The following TNR variants were observed in gnomAD, a reference collection of about 807,000 sequenced individuals.
The protein encoded by TNR is tenascin R.
TNR carries 45 observed loss-of-function variants against 150.4 expected under a neutral mutation model. The observed-to-expected ratio is 0.30, with a 90% CI of 0.24 to 0.38. The LOEUF (loss-of-function observed/expected upper bound fraction) is 0.38, where lower values mean the gene tolerates loss of function less well. Among genes scored for constraint, TNR ranks in the 10% least tolerant of loss-of-function variants. The pLI is 1.00. For missense variants in TNR, 1,544 were observed against 1,759.1 expected (o/e 0.88, Z 2.19); for synonymous variants, 687 against 678.4 (o/e 1.01, Z -0.20).
chr1:175,501,593 C>G (rs754333036), intron 2 of TNR, among the ~76,000 whole-genome samples: 1 of 152,180 alleles, frequency 6.6e-6, no homozygotes, highest in Non-Finnish European at 1.5e-5. Context: ...TGTTTTAAGC[C>G]ATTAAGTTTG....
chr1:175,328,690 G>C (rs1649546880), intron 21 of TNR, among the ~76,000 whole-genome samples: 1 of 152,196 alleles, frequency 6.6e-6, no homozygotes, highest in Admixed American at 6.5e-5. Flanking sequence ...TGAGACATGA[G>C]AATAGCGCAC....
intron 1 of TNR, among the ~76,000 whole-genome samples, chr1:175,630,684 C>T (rs1327936598): frequency 6.6e-5 from 10 of 152,192 alleles, no homozygotes; most frequent in Non-Finnish European, 1.5e-4. Context: ...TTTCCTACCA[C>T]AGTATTTAGC....
intron 1 of TNR, among the ~76,000 whole-genome samples, chr1:175,628,590 T>A (rs979698729): frequency 4.6e-5 from 7 of 151,936 alleles, no homozygotes; most frequent in African/African-American, 1.7e-4. Flanking sequence ...TATGAGCTCA[T>A]TGGGTGGTTT....
At chr1:175,333,317 T>A (rs1022211791) in intron 20 of TNR, 2 of 152,214 alleles carry the variant, frequency 1.3e-5, no homozygotes, top group Non-Finnish European at 1.5e-5. Context: ...GTTTATGTAT[T>A]TCAGAAAATA....
intron 1 of TNR, among the ~76,000 whole-genome samples, chr1:175,683,484 C>T (rs1044309420): frequency 2.0e-5 from 3 of 152,170 alleles, no homozygotes; most frequent in Admixed American, 6.5e-5. Flanking sequence ...GCTCTGAAAA[C>T]GTCTAAACTG....
intron 1 of TNR, among the ~76,000 whole-genome samples, chr1:175,582,813 G>C (rs933924682): frequency 6.6e-6 from 1 of 152,142 alleles, no homozygotes; most frequent in African/African-American, 2.4e-5. Context: ...AGGTGATTAA[G>C]CCATAAGGGA....
intron 4 of TNR, among the ~76,000 whole-genome samples, chr1:175,398,446 A>G (rs1374385367): frequency 6.6e-6 from 1 of 152,214 alleles, no homozygotes; most frequent in Admixed American, 6.5e-5. Context: ...TATAGTTTTG[A>G]CCTTATTAAA....
At chr1:175,631,983 G>A (rs1664343495) in intron 1 of TNR, among the ~76,000 whole-genome samples, 1 of 152,232 alleles carries the variant, frequency 6.6e-6, no homozygotes, top group Non-Finnish European at 1.5e-5. Flanking sequence ...CAATAGCAAT[G>A]TTTGACTAAC....
intron 2 of TNR, among the ~76,000 whole-genome samples, chr1:175,452,330 C>A (rs1177838211): frequency 6.6e-6 from 1 of 152,236 alleles, no homozygotes; most frequent in Non-Finnish European, 1.5e-5. Flanking sequence ...TGACAATACA[C>A]AAGAGTAATG....
chr1:175,481,788 C>T (rs989538812), intron 2 of TNR, among the ~76,000 whole-genome samples: 1 of 152,158 alleles, frequency 6.6e-6, no homozygotes, highest in Non-Finnish European at 1.5e-5. Flanking sequence ...CTCTGGTATC[C>T]TGAATAGGAA....
rs760311115 is a variant in TNR at position 175,406,719 on chromosome 1, T to C, written c.-5A>G. ...TGTTTCCCCATCTGCCCCCATCCTC[T>C]CAGCCAGAGATCTGGGTTCAGGACC... is the stretch of plus-strand genomic sequence containing the variant. On this transcript the variant is annotated 5_prime_UTR_variant, in exon 3 of 23. Transcript: ENST00000367674. 6.2e-7 allele frequency: 1 copy of C among 1,612,540 alleles called. No individual in the cohort carries two copies. The highest frequency in any genetic ancestry group is 1.3e-5 in the African/African-American group (1 of 74,880).
chr1:175,458,619 A>C (rs1656672194), intron 2 of TNR, among the ~76,000 whole-genome samples: 1 of 152,194 alleles, frequency 6.6e-6, no homozygotes, highest in South Asian at 2.1e-4. Context: ...CCCAAAGTCA[A>C]GAAAGTGCTT....
chr1:175,638,608 C>A (rs929806368), intron 1 of TNR, among the ~76,000 whole-genome samples: 4 of 152,172 alleles, frequency 2.6e-5, no homozygotes, highest in Non-Finnish European at 5.9e-5. Flanking sequence ...CAAGGGCCTG[C>A]ACACCAGAAT....
chr1:175,353,468 T>G (rs1651161567), intron 18 of TNR, among the ~76,000 whole-genome samples: 1 of 152,248 alleles, frequency 6.6e-6, no homozygotes, highest in Non-Finnish European at 1.5e-5. Flanking sequence ...AAGTATCTTC[T>G]GCTGACTTAA....
At chr1:175,568,727 C>A (rs1307921609) in intron 1 of TNR, among the ~76,000 whole-genome samples, 1 of 152,166 alleles carries the variant, frequency 6.6e-6, no homozygotes, top group Non-Finnish European at 1.5e-5. Context: ...CACAGAAGAG[C>A]AATGTGCTGA....
intron 8 of TNR, among the ~76,000 whole-genome samples, chr1:175,383,269 A>G (rs142371646): frequency 5.4e-4 from 83 of 152,360 alleles, no homozygotes; most frequent in African/African-American, 2.0e-3. Context: ...TCAGGACTTC[A>G]ACGTCTTTTT....
At chr1:175,691,713 C>T (rs1167083247) in intron 1 of TNR, among the ~76,000 whole-genome samples, 1 of 152,142 alleles carries the variant, frequency 6.6e-6, no homozygotes, top group Non-Finnish European at 1.5e-5. Flanking sequence ...GCTTAGGTGA[C>T]AGACAGGCAG....
At chr1:175,719,889 G>A (rs1294860424) in intron 1 of TNR, among the ~76,000 whole-genome samples, 1 of 152,182 alleles carries the variant, frequency 6.6e-6, no homozygotes, top group Non-Finnish European at 1.5e-5. Flanking sequence ...TTGGAGCCAA[G>A]TATGTTTCTT....
intron 2 of TNR, among the ~76,000 whole-genome samples, chr1:175,452,229 AT>A (rs1248354501): frequency 6.6e-6 from 1 of 152,236 alleles, no homozygotes; most frequent in African/African-American, 2.4e-5. Flanking sequence ...TCCCACAAGC[AT>A]TGGGAATGCC....
Sources: allele counts gnomAD v4.1 joint callset (sites outside exome capture counted in the v4.1 genomes callset), GRCh38; gene constraint gnomAD v4.1.1; transcripts MANE v1.5; gene names NCBI Gene and HGNC (gene_info 2026-07-23, HGNC 2026-07-21).